The following PARD3B variants were observed in gnomAD, a reference collection of about 807,000 sequenced individuals.
The protein encoded by PARD3B is par-3 family cell polarity regulator beta.
PARD3B carries 103 observed loss-of-function variants against 130.2 expected under a neutral mutation model. The ratio of observed to expected loss-of-function variants is 0.79; its 90% CI spans 0.67 to 0.93. The LOEUF (loss-of-function observed/expected upper bound fraction) is 0.93, where lower values mean the gene tolerates loss of function less well. Among genes scored for constraint, PARD3B ranks in the 40% least tolerant of loss-of-function variants. PARD3B has a pLI of 0.00. For missense variants in PARD3B, 1,609 were observed against 1,499.2 expected (o/e 1.07, Z -1.21); for synonymous variants, 583 against 553.2 (o/e 1.05, Z -0.76).
intron 2 of PARD3B, among the ~76,000 whole-genome samples, chr2:204,784,936 T>C (rs2041956197): frequency 6.6e-6 from 1 of 152,154 alleles, no homozygotes; most frequent in African/African-American, 2.4e-5. Context: ...ACGTCTTGTG[T>C]TAAGAGTTCA....
In PARD3B at chr2:204,663,403, A is replaced by G. The variant is rs185993176; in HGVS notation, c.121-22778A>G. On this transcript the variant is annotated intron_variant, in intron 1 of 22. Coordinates refer to ENST00000406610, the MANE Select transcript of PARD3B (RefSeq NM_001302769.2). ...GCTTAAAGGTATTTGCTGAACTTAC[A>G]ATCATATTGGGAAATGTGAGTATTA... is the stretch of plus-strand genomic sequence containing the variant. Among the ~76,000 whole-genome samples, 659 of 152,346 alleles carry G rather than the reference A, an allele frequency of 4.3e-3. 2 individuals are homozygous for G. The highest frequency in any genetic ancestry group is 0.015 in the African/African-American group (630 of 41,576).
intron 4 of PARD3B, among the ~76,000 whole-genome samples, chr2:205,057,513 AT>A (rs1476095208): frequency 9.8e-5 from 14 of 142,424 alleles, no homozygotes; most frequent in African/African-American, 3.8e-4. Context: ...ATATATGTGT[AT>A]GTGCATGTGT....
intron 22 of PARD3B, among the ~76,000 whole-genome samples, chr2:205,559,257 T>A (rs2106515421): frequency 6.6e-6 from 1 of 152,152 alleles, no homozygotes; most frequent in African/African-American, 2.4e-5. Flanking sequence ...GCATTTTCCA[T>A]CCTCAGCCTC....
chr2:204,938,007 G>C (rs1688600129), intron 2 of PARD3B, among the ~76,000 whole-genome samples: 1 of 152,218 alleles, frequency 6.6e-6, no homozygotes, highest in African/African-American at 2.4e-5. Flanking sequence ...TGACACGCCA[G>C]TGGCTGAGTC....
intron 15 of PARD3B, among the ~76,000 whole-genome samples, chr2:205,210,576 G>A (rs1293126596): frequency 1.3e-5 from 2 of 152,074 alleles, no homozygotes; most frequent in African/African-American, 2.4e-5. Flanking sequence ...TCATGATTAT[G>A]TTATCATTAT....
chr2:204,861,386 A>T (rs1245063007), intron 2 of PARD3B, among the ~76,000 whole-genome samples: 1 of 152,172 alleles, frequency 6.6e-6, no homozygotes, highest in Admixed American at 6.5e-5. Context: ...GGGATTTTTA[A>T]ATGAAATTTA....
chr2:204,740,030 G>A (rs759627769), intron 2 of PARD3B, among the ~76,000 whole-genome samples: 2 of 149,168 alleles, frequency 1.3e-5, no homozygotes, highest in Non-Finnish European at 3.0e-5. Flanking sequence ...TTTTTGTGAT[G>A]GAGTCTCAGT....
At chr2:205,213,831 T>G (rs1163473435) in intron 15 of PARD3B, among the ~76,000 whole-genome samples, 1 of 152,056 alleles carries the variant, frequency 6.6e-6, no homozygotes, top group African/African-American at 2.4e-5. Flanking sequence ...AGGCTTCAAT[T>G]TCATTAAATA....
rs577726202 is a variant in PARD3B, at chr2:205,118,400, T to C, written c.681-521T>C. Among the ~76,000 whole-genome samples, 67 of 152,344 alleles carry C rather than the reference T, an allele frequency of 4.4e-4. 2 individuals are homozygous for C. The South Asian group carries it at 0.013, about 30-fold the overall frequency. On this transcript the variant is annotated intron_variant, in intron 6 of 22. Transcript: ENST00000406610. ...AACACCCAACACATACTTGATTTGGTAGCACCAACAAATGGGATCCAGCTT... is the reference window on the plus strand; with the variant it reads ...AACACCCAACACATACTTGATTTGGCAGCACCAACAAATGGGATCCAGCTT...
intron 19 of PARD3B, among the ~76,000 whole-genome samples, chr2:205,404,388 A>G (rs928361196): frequency 6.6e-6 from 1 of 152,230 alleles, no homozygotes; most frequent in African/African-American, 2.4e-5. Flanking sequence ...TCCATTTTAT[A>G]TCAGGGAGTC....
intron 20 of PARD3B, among the ~76,000 whole-genome samples, chr2:205,443,448 A>G (rs2047796878): frequency 6.6e-6 from 1 of 152,216 alleles, no homozygotes; most frequent in Non-Finnish European, 1.5e-5. Flanking sequence ...AGAGGTCATA[A>G]TCTAGTGAAT....
In PARD3B at chr2:205,122,088, T is replaced by C; in HGVS notation, c.1165+139T>C. On this transcript the variant is annotated intron_variant, in intron 8 of 22. Coordinates refer to ENST00000406610, the MANE Select transcript of PARD3B (RefSeq NM_001302769.2). The surrounding 1 kb of genome is among the most constrained non-coding windows in gnomAD (Gnocchi z 4.3). ...GAATAGATTTAAGTGTATACTTAGG[T>C]AACTTAAATTTCTTGAAATTGTACT... 3 of 749,030 alleles carry C rather than the reference T, an allele frequency of 4.0e-6. No individual in the cohort carries two copies. The highest frequency in any genetic ancestry group is 6.3e-6 in the Non-Finnish European group (3 of 478,646). 46.4% of individuals were successfully genotyped at this position (749,030 alleles called of 1,614,324 possible).
intron 20 of PARD3B, among the ~76,000 whole-genome samples, chr2:205,445,664 G>T (rs1020308589): frequency 6.6e-6 from 1 of 152,152 alleles, no homozygotes; most frequent in African/African-American, 2.4e-5. Flanking sequence ...AATTTGACAT[G>T]AAATTTAGGC....
At chr2:204,730,588 A>AG (rs2039466041) in intron 2 of PARD3B, among the ~76,000 whole-genome samples, 1 of 151,798 alleles carries the variant, frequency 6.6e-6, no homozygotes, top group African/African-American at 2.4e-5. Context: ...AAAAAAAGAA[A>AG]AAAAAAAAAA....
chr2:205,173,859 C>G (rs778828927), intron 12 of PARD3B, among the ~76,000 whole-genome samples: 1 of 152,112 alleles, frequency 6.6e-6, no homozygotes, highest in Non-Finnish European at 1.5e-5. Context: ...ACTCTAGAGC[C>G]CTAGGACTCC....
chr2:205,418,951 T>C (rs1574972414), intron 19 of PARD3B, among the ~76,000 whole-genome samples: 1 of 152,300 alleles, frequency 6.6e-6, no homozygotes, highest in Admixed American at 6.5e-5. Context: ...TTAAATATTT[T>C]AAACTATAAA....
At chr2:205,556,706 C>A (rs2106508159) in intron 22 of PARD3B, among the ~76,000 whole-genome samples, 1 of 152,256 alleles carries the variant, frequency 6.6e-6, no homozygotes. Flanking sequence ...AACACCAGAC[C>A]TGTACCAGGG....
At chr2:205,518,375 T>C (rs1218479717) in intron 21 of PARD3B, among the ~76,000 whole-genome samples, 1 of 152,182 alleles carries the variant, frequency 6.6e-6, no homozygotes, top group African/African-American at 2.4e-5. Context: ...GTTTGAAGTC[T>C]GTTTTGTGTT....
At chr2:204,829,998 CAAAA>C in intron 2 of PARD3B, among the ~76,000 whole-genome samples, 1 of 47,704 alleles carries the variant, frequency 2.1e-5, no homozygotes, top group African/African-American at 7.2e-5. Flanking sequence ...GACTCCGTCT[CAAAA>C]AAAAAAAAAA....
Sources: gnomAD v4.1 joint callset for allele counts (sites outside exome capture counted in the v4.1 genomes callset) on GRCh38, gnomAD v4.1.1 for gene constraint, Gnocchi (gnomAD v3.1) non-coding constraint, MANE v1.5 for transcripts, NCBI Gene and HGNC (gene_info 2026-07-23, HGNC 2026-07-21) for gene names.